USP3: variants seen among roughly 807,000 people sequenced by gnomAD.
The protein encoded by USP3 is ubiquitin specific peptidase 3, also known as ubiquitin carboxyl-terminal hydrolase 3.
Under a neutral mutation model 72.3 loss-of-function variants are expected in USP3, and 20 were observed. The observed-to-expected ratio is 0.28, with a 90% CI of 0.19 to 0.40. USP3 has a LOEUF of 0.40. USP3 is among the 10% of genes least tolerant of loss of function. The probability of loss-of-function intolerance (pLI) is 1.00; values close to 1 mark genes in which losing one functional copy is unlikely to be tolerated. For missense variants in USP3, 479 were observed against 633.9 expected (o/e 0.76, Z 2.62); for synonymous variants, 222 against 225.3 (o/e 0.99, Z 0.13).
In USP3 at chr15:63,593,929, A is replaced by G. The variant is rs1288684307; in HGVS notation, c.*3103A>G. The G allele has an allele frequency of 6.6e-6, 1 of 152,250 alleles. No homozygotes were observed. The highest frequency in any genetic ancestry group is 6.5e-5 in the Admixed American group (1 of 15,292). 9.4% of individuals were successfully genotyped at this position (152,250 alleles called of 1,614,324 possible). ...GTCCCCACACGGGTGGGTGACAGAA[A>G]CAGTTTGTGGCAACACAAATCTCTC... On this transcript the variant is annotated 3_prime_UTR_variant, in exon 15 of 15. Coordinates refer to ENST00000380324, the MANE Select transcript of USP3 (RefSeq NM_006537.4).
chr15:63,536,881 A>G lies in USP3; in HGVS notation c.153-144A>G. The G allele has an allele frequency of 3.4e-6, 3 of 881,078 alleles. No individual in the cohort carries two copies. The South Asian group carries it at 5.7e-5, about 17-fold the overall frequency. The allele number at this position is 881,078 out of a possible 1,614,324, so 54.6% of individuals were successfully genotyped here. On this transcript the variant is annotated intron_variant, in intron 2 of 14. Transcript: ENST00000380324. The stretch of plus-strand genomic sequence containing the variant: ...AAAAAAAAAAGAGCATATTTTAAGT[A>G]TTCAGTATAATAAATCACTACATGA...
At chr15:63,511,755 G>A (rs1372357282) in intron 1 of USP3, among the ~76,000 whole-genome samples, 7 of 152,112 alleles carry the variant, frequency 4.6e-5, no homozygotes, top group African/African-American at 1.7e-4. Context: ...GTGGTTTGTT[G>A]TAGGGTGGAG....
rs565074532 is a variant in USP3, at chr15:63,562,196, G to A, written c.648-699G>A. Reference sequence around the variant, plus strand: ...TTTTTAAGACATTTCCCAGAATTTGGACACACTCAGTTTTTTATTGGGAGA... The same window carrying A: ...TTTTTAAGACATTTCCCAGAATTTGAACACACTCAGTTTTTTATTGGGAGA... On this transcript the variant is annotated intron_variant, in intron 7 of 14. Coordinates refer to ENST00000380324, the MANE Select transcript of USP3 (RefSeq NM_006537.4). Among the ~76,000 whole-genome samples, 4 of 152,256 alleles carry A rather than the reference G, an allele frequency of 2.6e-5. No individual in the cohort carries two copies. In the East Asian group the frequency reaches 7.7e-4, roughly 29 times the overall value.
intron 1 of USP3, among the ~76,000 whole-genome samples, chr15:63,526,480 G>GT (rs1432332340): frequency 1.3e-5 from 2 of 152,162 alleles, no homozygotes; most frequent in East Asian, 3.8e-4. Context: ...CTATATAAAT[G>GT]TTAACTAAAT....
At chr15:63,568,192 A>G (rs564871134) in intron 8 of USP3, among the ~76,000 whole-genome samples, 1 of 151,936 alleles carries the variant, frequency 6.6e-6, no homozygotes, top group Non-Finnish European at 1.5e-5. Context: ...TCTCTACCAA[A>G]AATACAAAAA....
At position 63,520,554 on chromosome 15, in the gene USP3, A is replaced by ATTTTTTTTTTTTTTTTTTTTTTTTT. The variant is rs35244583; in HGVS notation, c.92-12090_92-12066dup. Reference sequence around the variant, plus strand: ...TTTGTTTGTTTGATTTCTGTTTTAGATTTTTTTTTTTTTTTTTTTTTTTTT... The same window carrying ATTTTTTTTTTTTTTTTTTTTTTTTT: ...TTTGTTTGTTTGATTTCTGTTTTAGATTTTTTTTTTTTTTTTTTTTTTTTTTTTTTTTTTTTTTTTTTTTTTTTTT... On this transcript the variant is annotated intron_variant, in intron 1 of 14. Transcript: ENST00000380324. Among the ~76,000 whole-genome samples the ATTTTTTTTTTTTTTTTTTTTTTTTT allele has an allele frequency of 1.5e-4, 16 of 105,424 alleles. 8 individuals carry two copies. The highest frequency in any genetic ancestry group is 1.5e-4 in the African/African-American group (4 of 26,548). The allele number at this position is 105,424 out of a possible 152,430, so 69.2% of individuals were successfully genotyped here.
chr15:63,530,810 C>G (rs112002270), intron 1 of USP3, among the ~76,000 whole-genome samples: 1,991 of 152,234 alleles, frequency 0.013, 17 homozygotes, highest in Middle Eastern at 0.024. Flanking sequence ...ATTCTCATTG[C>G]TGTAAGGCAA....
chr15:63,574,978 C>A lies in USP3; in HGVS notation c.1096+575C>A, dbSNP rs1166850590. On this transcript the variant is annotated intron_variant, in intron 11 of 14. Coordinates refer to ENST00000380324, the MANE Select transcript of USP3 (RefSeq NM_006537.4). This position sits in a 1 kb window ranked among gnomAD's most constrained non-coding sequence, Gnocchi z 4.6. Reference sequence around the variant, plus strand: ...AGACCATAAGTGTACAGACAGGTCACAATTAAAATGACTAATTGTTCTTGC... The same window carrying A: ...AGACCATAAGTGTACAGACAGGTCAAAATTAAAATGACTAATTGTTCTTGC... 6.6e-6 allele frequency among the ~76,000 whole-genome samples: 1 copy of A among 152,086 alleles called. No individual in the cohort carries two copies. The highest frequency in any genetic ancestry group is 2.4e-5 in the African/African-American group (1 of 41,420).
intron 3 of USP3, among the ~76,000 whole-genome samples, chr15:63,538,631 T>C (rs2066195879): frequency 2.0e-5 from 3 of 151,460 alleles, no homozygotes; most frequent in Non-Finnish European, 4.4e-5. Context: ...CTGCAAGCTC[T>C]GCCTCCTGGG....
intron 2 of USP3, among the ~76,000 whole-genome samples, chr15:63,536,097 C>T (rs74018967): frequency 0.048 from 7,284 of 152,228 alleles, 192 homozygotes; most frequent in Middle Eastern, 0.099. Context: ...TGCTGTAATA[C>T]TAAATCTGAG....
chr15:63,587,235 C>A (rs2067087033), intron 11 of USP3, among the ~76,000 whole-genome samples: 1 of 152,116 alleles, frequency 6.6e-6, no homozygotes, highest in South Asian at 2.1e-4. Flanking sequence ...ACAGGTTGTC[C>A]ACTGCACAAC....
chr15:63,536,644 C>G (rs2066160784), intron 2 of USP3, among the ~76,000 whole-genome samples: 1 of 151,292 alleles, frequency 6.6e-6, no homozygotes, highest in Non-Finnish European at 1.5e-5. Flanking sequence ...GTCAGGAGAT[C>G]AAGACCATCC....
chr15:63,505,087 C>T (rs1206912455), intron 1 of USP3, among the ~76,000 whole-genome samples: 1 of 151,042 alleles, frequency 6.6e-6, no homozygotes, highest in Admixed American at 6.6e-5. Context: ...AGGCCTCGAG[C>T]GCGTGGGGGC....
In USP3 at chr15:63,524,587, A is replaced by G. The variant is rs183998679; in HGVS notation, c.92-8060A>G. Among the ~76,000 whole-genome samples, 37 of 152,272 alleles carry G rather than the reference A, an allele frequency of 2.4e-4. No individual in the cohort carries two copies. In the East Asian group the frequency reaches 6.9e-3, roughly 29 times the overall value. On this transcript the variant is annotated intron_variant, in intron 1 of 14. Coordinates refer to ENST00000380324, the MANE Select transcript of USP3 (RefSeq NM_006537.4). ...GTTACCAGACGTGTGTTAAGAAGAC[A>G]CTTTGGAGGAGGATGTTCTGGAGTC...
intron 4 of USP3, 51 bp from the exon 5 acceptor site, chr15:63,556,616 G>A: frequency 2.1e-6 from 3 of 1,426,370 alleles, no homozygotes; most frequent in East Asian, 2.4e-5. Context: ...CACCTGTGGT[G>A]TAGCATGCAT....
At chr15:63,518,978 G>C (rs2065885176) in intron 1 of USP3, among the ~76,000 whole-genome samples, 1 of 152,138 alleles carries the variant, frequency 6.6e-6, no homozygotes, top group South Asian at 2.1e-4. Context: ...TGTTAACCAG[G>C]ATGGTCTGGA....
chr15:63,533,609 C>G (rs557039991), intron 2 of USP3, among the ~76,000 whole-genome samples: 4 of 152,250 alleles, frequency 2.6e-5, no homozygotes, highest in East Asian at 3.9e-4. Context: ...TTGTATTTAT[C>G]CAGAATATTT....
intron 11 of USP3, chr15:63,586,878 G>T (rs534008532): frequency 6.6e-6 from 1 of 152,278 alleles, no homozygotes; most frequent in South Asian, 2.1e-4. Context: ...GAATTGAGTT[G>T]TAGGGAGGCA....
intron 7 of USP3, among the ~76,000 whole-genome samples, chr15:63,560,753 G>A (rs2066596290): frequency 6.6e-6 from 1 of 152,138 alleles, no homozygotes; most frequent in Non-Finnish European, 1.5e-5. Context: ...ATTTGGTGTA[G>A]ACCTCCCTTA....
Sources: gnomAD v4.1 joint callset for allele counts (sites outside exome capture counted in the v4.1 genomes callset) on GRCh38, gnomAD v4.1.1 for gene constraint, Gnocchi (gnomAD v3.1) non-coding constraint, MANE v1.5 for transcripts, NCBI Gene and HGNC (gene_info 2026-07-23, HGNC 2026-07-21) for gene names.